Variants in EPB41L3 observed in about 807,000 individuals in gnomAD.
EPB41L3 encodes the protein band 4.1-like protein 3.
EPB41L3 carries 57 observed loss-of-function variants against 127.1 expected under a neutral mutation model. The observed-to-expected ratio is 0.45, with a 90% CI of 0.36 to 0.56. The LOEUF (loss-of-function observed/expected upper bound fraction) is 0.56. Among genes scored for constraint, EPB41L3 ranks in the 20% least tolerant of loss-of-function variants. The pLI, the probability that EPB41L3 is intolerant of heterozygous loss-of-function variation, is 0.00. For synonymous variants in EPB41L3, 572 were observed against 549.5 expected, an observed-to-expected ratio of 1.04 and a Z score of -0.57; for missense variants, 1,273 against 1,372.2, an observed-to-expected ratio of 0.93 and a Z score of 1.14.
chr18:5,451,550 A>G (rs761187615), intron 3 of EPB41L3, among the ~76,000 whole-genome samples: 4 of 152,110 alleles, frequency 2.6e-5, no homozygotes, highest in Non-Finnish European at 5.9e-5. Flanking sequence ...CTGGGCACTC[A>G]CTTCATATCC....
At chr18:5,590,305 A>G (rs1483125776) in intron 3 of EPB41L3, among the ~76,000 whole-genome samples, 2 of 152,168 alleles carry the variant, frequency 1.3e-5, no homozygotes, top group Non-Finnish European at 2.9e-5. Flanking sequence ...TAGCTCAGAT[A>G]GTACCAAGGG....
chr18:5,549,615 T>A (rs908544738), intron 3 of EPB41L3, among the ~76,000 whole-genome samples: 36 of 152,206 alleles, frequency 2.4e-4, no homozygotes, highest in Non-Finnish European at 1.8e-4. Context: ...ACACCATTGA[T>A]ATCAGAATCA....
intron 1 of EPB41L3, among the ~76,000 whole-genome samples, chr18:5,620,811 A>G (rs928137339): frequency 2.6e-5 from 4 of 152,186 alleles, no homozygotes; most frequent in African/African-American, 9.7e-5. Flanking sequence ...AAATCAAGGT[A>G]CAAACCTTGG....
chr18:5,603,775 G>T (rs2094615652), intron 3 of EPB41L3, among the ~76,000 whole-genome samples: 1 of 151,942 alleles, frequency 6.6e-6, no homozygotes, highest in Non-Finnish European at 1.5e-5. Context: ...TAGCTACTTG[G>T]GAGACTGAGG....
At position 5,489,118 on chromosome 18, in the gene EPB41L3, C is replaced by G; in HGVS notation, c.66G>C (p.Ala22=). Residue 22 remains alanine (A), a synonymous_variant, in exon 2 of 23, where the codon GCG becomes GCC. Coordinates refer to ENST00000341928, the MANE Select transcript of EPB41L3 (RefSeq NM_012307.5). ...KPDQEAEPQE[A]AGAQGRAGAP... ...CCCCCGCGCGCCCCTGCGCCCCCGC[C>G]GCCTCCTGGGGCTCGGCCTCCTGGT... The G allele has an allele frequency of 6.3e-7, 1 of 1,595,146 alleles. No homozygotes were observed.
intron 21 of EPB41L3, 83 bp downstream of exon 21, chr18:5,394,984 T>G (rs1270352939): frequency 7.3e-7 from 1 of 1,372,310 alleles, no homozygotes; most frequent in Non-Finnish European, 1.0e-6. Context: ...CATGCTGGAC[T>G]AGAGGAATAG....
intron 3 of EPB41L3, among the ~76,000 whole-genome samples, chr18:5,578,841 A>G (rs2094362721): frequency 6.6e-6 from 1 of 152,230 alleles, no homozygotes; most frequent in Admixed American, 6.5e-5. Flanking sequence ...ACCACTTTGG[A>G]AAACAATTTG....
intron 2 of EPB41L3, among the ~76,000 whole-genome samples, chr18:5,482,553 A>G (rs951121749): frequency 1.3e-5 from 2 of 152,208 alleles, no homozygotes; most frequent in South Asian, 4.1e-4. Flanking sequence ...AATACCACAA[A>G]GCAATAAACT....
chr18:5,461,898 C>A (rs796441869), intron 3 of EPB41L3, among the ~76,000 whole-genome samples: 1 of 152,160 alleles, frequency 6.6e-6, no homozygotes, highest in East Asian at 1.9e-4. Context: ...TGGTCGATAA[C>A]AAGCCACAAA....
chr18:5,529,421 C>A (rs2093341297), intron 1 of EPB41L3, among the ~76,000 whole-genome samples: 1 of 152,104 alleles, frequency 6.6e-6, no homozygotes, highest in Non-Finnish European at 1.5e-5. Flanking sequence ...TGCGCACCGC[C>A]CTCCTCTCAG....
intron 1 of EPB41L3, among the ~76,000 whole-genome samples, chr18:5,623,006 G>T (rs1056979141): frequency 8.7e-6 from 1 of 114,978 alleles, no homozygotes; most frequent in Admixed American, 1.2e-4. Flanking sequence ...TAAAATATTC[G>T]GTCTCACTTT....
intron 1 of EPB41L3, among the ~76,000 whole-genome samples, chr18:5,506,319 C>G (rs762500122): frequency 1.3e-5 from 2 of 152,158 alleles, no homozygotes; most frequent in Non-Finnish European, 2.9e-5. Flanking sequence ...ATACGCTGGC[C>G]TGAAAGAGCG....
chr18:5,616,244 CT>C (rs952766278), intron 1 of EPB41L3, among the ~76,000 whole-genome samples: 13 of 152,078 alleles, frequency 8.5e-5, no homozygotes, highest in African/African-American at 3.1e-4. Context: ...CTGCTGCACT[CT>C]TTCTCCATTT....
intron 3 of EPB41L3, chr18:5,570,344 C>T (rs1401558406): frequency 1.3e-5 from 2 of 152,142 alleles, no homozygotes; most frequent in African/African-American, 4.8e-5. Context: ...TGTTCAGTGG[C>T]ATTTTCTCAT....
At chr18:5,393,865 G>A (rs767691722) in intron 22 of EPB41L3, 2 of 177,518 alleles carry the variant, frequency 1.1e-5, no homozygotes, top group South Asian at 1.2e-4. Context: ...TGTGCAAGTC[G>A]CTCGACTGCT....
At chr18:5,583,510 T>C (rs1364202927) in intron 3 of EPB41L3, among the ~76,000 whole-genome samples, 1 of 152,196 alleles carries the variant, frequency 6.6e-6, no homozygotes. Flanking sequence ...CAGAACATTA[T>C]CTGGATTCAA....
intron 1 of EPB41L3, among the ~76,000 whole-genome samples, chr18:5,499,829 G>GTGTGTATATATATATATATATA (rs563662904): frequency 1.9e-4 from 24 of 124,650 alleles, no homozygotes; most frequent in Middle Eastern, 4.2e-3. Flanking sequence ...CTATGTGTGT[G>GTGTGTATATATATATATATATA]TATATATATA....
intron 1 of EPB41L3, among the ~76,000 whole-genome samples, chr18:5,617,604 C>A (rs1406596009): frequency 6.6e-6 from 1 of 152,204 alleles, no homozygotes; most frequent in Non-Finnish European, 1.5e-5. Flanking sequence ...AGGCGTGAGC[C>A]ACCGCGCCCG....
At chr18:5,452,382 T>TG (rs2082400886) in intron 3 of EPB41L3, among the ~76,000 whole-genome samples, 1 of 151,728 alleles carries the variant, frequency 6.6e-6, no homozygotes, top group South Asian at 2.1e-4. Context: ...AAAATCCTTT[T>TG]TTTTTTTTTA....
Sources: gnomAD v4.1 joint callset for allele counts (sites outside exome capture counted in the v4.1 genomes callset) on GRCh38, gnomAD v4.1.1 for gene constraint, MANE v1.5 for transcripts, NCBI Gene and HGNC (gene_info 2026-07-23, HGNC 2026-07-21) for gene names.